ZNF736: variants seen among roughly 807,000 people sequenced by gnomAD.
The protein encoded by ZNF736 is KRAB-containing zinc-finger repressor protein.
Under a neutral mutation model 11.7 loss-of-function variants are expected in ZNF736, and 6 were observed. That is an observed-to-expected ratio of 0.51 (90% CI 0.28 to 1.01). The LOEUF is 1.01. Ranked by LOEUF, ZNF736 falls within the 50% of genes least tolerant of loss-of-function variation. The probability of loss-of-function intolerance (pLI) is 0.09; values close to 1 mark genes in which losing one functional copy is unlikely to be tolerated. For synonymous variants in ZNF736, 139 were observed against 164.7 expected, an observed-to-expected ratio of 0.84 and a Z score of 1.19; for missense variants, 444 against 496.0, an observed-to-expected ratio of 0.90 and a Z score of 1.00.
rs1366587262 is a variant in ZNF736, at chr7:64,337,106, A to G, written c.226+124A>G. 3 of 836,388 alleles carry G rather than the reference A, an allele frequency of 3.6e-6. No individual in the cohort carries two copies. In the African/African-American group the frequency reaches 5.2e-5, roughly 15 times the overall value. 51.8% of individuals were successfully genotyped at this position (836,388 alleles called of 1,614,324 possible). A position where few individuals can be genotyped will look rare whatever the true frequency, so the allele number is the denominator to read the frequency against. ...TGGAAATGGTTTCTGAGAAACCTTCATTTCTTTCTCTTGCTTTAACATAGG... is the reference window on the plus strand; with the variant it reads ...TGGAAATGGTTTCTGAGAAACCTTCGTTTCTTTCTCTTGCTTTAACATAGG... On this transcript the variant is annotated intron_variant, in intron 3 of 3. Coordinates refer to ENST00000423484, the MANE Select transcript of ZNF736 (RefSeq NM_001170905.3).
intron 1 of ZNF736, among the ~76,000 whole-genome samples, chr7:64,322,464 T>C (rs543662013): frequency 5.9e-5 from 9 of 152,336 alleles, no homozygotes; most frequent in South Asian, 2.1e-4. Context: ...GATAATGCTA[T>C]GTACAATATG....
At chr7:64,320,898 T>C (rs62463900) in intron 1 of ZNF736, among the ~76,000 whole-genome samples, 8,465 of 152,272 alleles carry the variant, frequency 0.056, 376 homozygotes, top group Admixed American at 0.14. Flanking sequence ...TTTGGGGTCA[T>C]CTGAAGTCAT....
At chr7:64,337,642 A>G (rs1255067660) in intron 3 of ZNF736, among the ~76,000 whole-genome samples, 1 of 151,974 alleles carries the variant, frequency 6.6e-6, no homozygotes, top group Admixed American at 6.5e-5. Context: ...CCTCAACTGT[A>G]TGTATTATAG....
chr7:64,334,381 T>C (rs1188721680), intron 1 of ZNF736, among the ~76,000 whole-genome samples: 1 of 152,190 alleles, frequency 6.6e-6, no homozygotes, highest in Non-Finnish European at 1.5e-5. Context: ...GAGAAAATTT[T>C]TGCAATATAT....
At chr7:64,342,432 A>G (rs1789352663) in intron 3 of ZNF736, among the ~76,000 whole-genome samples, 1 of 152,152 alleles carries the variant, frequency 6.6e-6, no homozygotes, top group Non-Finnish European at 1.5e-5. Flanking sequence ...TTTAAATTCT[A>G]TATGACAATT....
intron 1 of ZNF736, among the ~76,000 whole-genome samples, chr7:64,331,041 C>T (rs1276483405): frequency 6.6e-6 from 1 of 152,196 alleles, no homozygotes; most frequent in African/African-American, 2.4e-5. Context: ...AATGCAGGCA[C>T]TTTCTTGGCC....
intron 1 of ZNF736, among the ~76,000 whole-genome samples, chr7:64,329,365 C>T (rs565998194): frequency 1.3e-5 from 2 of 152,138 alleles, no homozygotes; most frequent in Admixed American, 1.3e-4. Flanking sequence ...TTTTTGCATT[C>T]TGGGCTTTTT....
intron 1 of ZNF736, among the ~76,000 whole-genome samples, chr7:64,319,497 T>TTTTTTC (rs1788973061): frequency 1.6e-5 from 2 of 122,160 alleles, no homozygotes; most frequent in African/African-American, 5.9e-5. Flanking sequence ...CCCTTTTTTT[T>TTTTTTC]TTTTTTTTTT....
At position 64,351,175 on chromosome 7, in the gene ZNF736, T is replaced by A. The variant is rs931351626; in HGVS notation, c.*2028T>A. 13 of 152,390 alleles carry A rather than the reference T, an allele frequency of 8.5e-5. No individual in the cohort carries two copies. The highest frequency in any genetic ancestry group is 3.1e-4 in the African/African-American group (13 of 41,562). 9.4% of individuals were successfully genotyped at this position (152,390 alleles called of 1,614,324 possible). On this transcript the variant is annotated 3_prime_UTR_variant, in exon 4 of 4. Transcript: ENST00000423484. ...TTGTTCAGAGTGTGGGAGGTTACCCTGTTCTCTGCACAGTGTTAGCACAAA... is the reference window on the plus strand; with the variant it reads ...TTGTTCAGAGTGTGGGAGGTTACCCAGTTCTCTGCACAGTGTTAGCACAAA...
At chr7:64,337,727 TTTTG>T (rs1407772730) in intron 3 of ZNF736, among the ~76,000 whole-genome samples, 7 of 133,838 alleles carry the variant, frequency 5.2e-5, no homozygotes, top group African/African-American at 1.5e-4. Flanking sequence ...TGAGTATTTT[TTTTG>T]TTTTGTTTTG....
At position 64,355,607 on chromosome 7, in the gene ZNF736, C is replaced by T. The variant is rs1415314578; in HGVS notation, c.*6460C>T. 6.6e-6 allele frequency: 1 copy of T among 152,172 alleles called. No individual in the cohort carries two copies. The highest frequency in any genetic ancestry group is 1.9e-4 in the East Asian group (1 of 5,176). 9.4% of individuals were successfully genotyped at this position (152,172 alleles called of 1,614,324 possible). ...CCATGTTAGCTAGGATGGTCTTGAT[C>T]TCCTGACCTCATGATCCACCCACCT... On this transcript the variant is annotated 3_prime_UTR_variant, in exon 4 of 4. Coordinates refer to ENST00000423484, the MANE Select transcript of ZNF736 (RefSeq NM_001170905.3).
chr7:64,355,246 C>T lies in ZNF736; in HGVS notation c.*6099C>T. 1 of 172,970 alleles carries T rather than the reference C, an allele frequency of 5.8e-6. No homozygotes were observed. The highest frequency in any genetic ancestry group is 1.4e-5 in the Non-Finnish European group (1 of 71,936). The allele number at this position is 172,970 out of a possible 1,614,324, so 10.7% of individuals were successfully genotyped here. On this transcript the variant is annotated 3_prime_UTR_variant, in exon 4 of 4. Transcript: ENST00000423484. ...TGCTGACACAGGTTAAGAGTATGCA[C>T]CACAGGTATCGAAACCTAAAATGCC...
At chr7:64,343,546 C>T (rs1440168205) in intron 3 of ZNF736, among the ~76,000 whole-genome samples, 1 of 152,140 alleles carries the variant, frequency 6.6e-6, no homozygotes, top group Non-Finnish European at 1.5e-5. Context: ...GACATGTGGC[C>T]TCTGAACCTA....
At chr7:64,347,464 G>C (rs1285581553) in intron 3 of ZNF736, among the ~76,000 whole-genome samples, 2 of 151,886 alleles carry the variant, frequency 1.3e-5, no homozygotes, top group Non-Finnish European at 2.9e-5. Flanking sequence ...GACCTCAGGT[G>C]GTCCGCCTGC....
chr7:64,347,217 C>CTTTTTTTTTTTTTTTTTT (rs35033527), intron 3 of ZNF736, among the ~76,000 whole-genome samples: 2 of 55,874 alleles, frequency 3.6e-5, no homozygotes, highest in African/African-American at 7.6e-5. Flanking sequence ...AAATGTTCGC[C>CTTTTTTTTTTTTTTTTTT]TTTTTTTTTT....
At chr7:64,347,681 A>G (rs890947855) in intron 3 of ZNF736, among the ~76,000 whole-genome samples, 2 of 152,188 alleles carry the variant, frequency 1.3e-5, no homozygotes, top group Non-Finnish European at 2.9e-5. Context: ...CAACACTGTC[A>G]TGGAATATAG....
At chr7:64,315,473 T>A (rs1788903398) in intron 1 of ZNF736, among the ~76,000 whole-genome samples, 1 of 152,146 alleles carries the variant, frequency 6.6e-6, no homozygotes, top group Non-Finnish European at 1.5e-5. Flanking sequence ...ATGTCCTGGT[T>A]ATGTAATTAG....
At chr7:64,325,253 G>C (rs1039665745) in intron 1 of ZNF736, among the ~76,000 whole-genome samples, 1 of 151,984 alleles carries the variant, frequency 6.6e-6, no homozygotes, top group Non-Finnish European at 1.5e-5. Flanking sequence ...AACTGTTGTA[G>C]TCTTGTTAAA....
In ZNF736 at chr7:64,353,462, C is replaced by T. The variant is rs1789516570; in HGVS notation, c.*4315C>T. ...ATCACTTTTCTCTAAAGGGAACCTA[C>T]TTTTTTATATTAAAAGGATTCAATA... On this transcript the variant is annotated 3_prime_UTR_variant, in exon 4 of 4. Coordinates refer to ENST00000423484, the MANE Select transcript of ZNF736 (RefSeq NM_001170905.3). The T allele has an allele frequency of 6.6e-6, 1 of 152,172 alleles. No individual in the cohort carries two copies. The highest frequency in any genetic ancestry group is 6.5e-5 in the Admixed American group (1 of 15,276). The allele number at this position is 152,172 out of a possible 1,614,324, so 9.4% of individuals were successfully genotyped here. A position where few individuals can be genotyped will look rare whatever the true frequency, so the allele number is the denominator to read the frequency against.
Sources: gnomAD v4.1 joint callset for allele counts (sites outside exome capture counted in the v4.1 genomes callset) on GRCh38, gnomAD v4.1.1 for gene constraint, MANE v1.5 for transcripts, NCBI Gene and HGNC (gene_info 2026-07-23, HGNC 2026-07-21) for gene names.